The following PTPRD variants were observed in gnomAD, a reference collection of about 807,000 sequenced individuals.
PTPRD encodes the protein receptor-type tyrosine-protein phosphatase delta.
Under a neutral mutation model 214.5 loss-of-function variants are expected in PTPRD, and 34 were observed. The observed-to-expected ratio is 0.16, with a 90% CI of 0.12 to 0.21. The LOEUF (loss-of-function observed/expected upper bound fraction) is 0.21, where lower values mean the gene tolerates loss of function less well. PTPRD is among the 10% of genes least tolerant of loss of function. The pLI is 1.00. For synonymous variants in PTPRD, 1,128 were observed against 845.7 expected, an observed-to-expected ratio of 1.33 and a Z score of -5.79; for missense variants, 2,545 against 2,398.7, an observed-to-expected ratio of 1.06 and a Z score of -1.27.
At chr9:10,553,167 G>A (rs903378794) in intron 2 of PTPRD, among the ~76,000 whole-genome samples, 1 of 152,102 alleles carries the variant, frequency 6.6e-6, no homozygotes, top group African/African-American at 2.4e-5. Flanking sequence ...AGGAGAGAAT[G>A]TAGTAGGATA....
intron 33 of PTPRD, among the ~76,000 whole-genome samples, chr9:8,455,488 G>C (rs965660684): frequency 2.0e-5 from 3 of 152,112 alleles, no homozygotes; most frequent in African/African-American, 7.2e-5. Context: ...AAATTGCAAA[G>C]TTTTCAGTGA....
chr9:9,136,070 A>G (rs1032665917), intron 10 of PTPRD, among the ~76,000 whole-genome samples: 6 of 152,208 alleles, frequency 3.9e-5, no homozygotes, highest in Admixed American at 6.5e-5. Flanking sequence ...TTCTTTTGCT[A>G]ATGAAATATC....
At chr9:8,503,475 C>G (rs2097462833) in intron 23 of PTPRD, among the ~76,000 whole-genome samples, 2 of 152,066 alleles carry the variant, frequency 1.3e-5, no homozygotes, top group South Asian at 4.1e-4. Context: ...TAAACACATA[C>G]TAATAAAAAG....
intron 8 of PTPRD, among the ~76,000 whole-genome samples, chr9:9,574,283 T>C (rs915982370): frequency 2.0e-5 from 3 of 151,984 alleles, no homozygotes; most frequent in East Asian, 3.8e-4. Context: ...CTTATTTCCA[T>C]AGTTACATAC....
At chr9:9,470,686 C>T (rs1233111283) in intron 8 of PTPRD, among the ~76,000 whole-genome samples, 6 of 152,124 alleles carry the variant, frequency 3.9e-5, no homozygotes. Flanking sequence ...AATCTACATT[C>T]TCTACTACCT....
At chr9:8,796,230 T>C (rs925370284) in intron 11 of PTPRD, among the ~76,000 whole-genome samples, 20 of 152,296 alleles carry the variant, frequency 1.3e-4, no homozygotes, top group Admixed American at 7.8e-4. Context: ...CAATTCTTAA[T>C]TGCCAAGTTT....
intron 7 of PTPRD, among the ~76,000 whole-genome samples, chr9:9,662,534 C>T (rs1252696015): frequency 1.3e-5 from 2 of 151,528 alleles, no homozygotes; most frequent in African/African-American, 2.4e-5. Flanking sequence ...TATTTTATGA[C>T]ATTTGAAGCA....
chr9:8,344,357 T>C (rs10976973), intron 39 of PTPRD, among the ~76,000 whole-genome samples: 12,527 of 152,072 alleles, frequency 0.082, 544 homozygotes, highest in Middle Eastern at 0.12. Context: ...GGATGATGCA[T>C]GGTTCTATAT....
intron 7 of PTPRD, among the ~76,000 whole-genome samples, chr9:9,717,010 C>G (rs2097847289): frequency 6.6e-6 from 1 of 152,112 alleles, no homozygotes; most frequent in Non-Finnish European, 1.5e-5. Flanking sequence ...TTTAATCCAT[C>G]TTGAATTGAT....
intron 8 of PTPRD, among the ~76,000 whole-genome samples, chr9:9,470,299 C>T (rs1256502376): frequency 6.6e-6 from 1 of 152,092 alleles, no homozygotes; most frequent in South Asian, 2.1e-4. Flanking sequence ...TTTCTGAAAC[C>T]TACCATCTTC....
intron 3 of PTPRD, among the ~76,000 whole-genome samples, chr9:10,245,118 C>A (rs534194301): frequency 2.4e-4 from 37 of 152,020 alleles, no homozygotes; most frequent in Non-Finnish European, 4.6e-4. Flanking sequence ...AGACATTTTA[C>A]CCTAAACATA....
chr9:9,088,038 T>C (rs1412921156), intron 10 of PTPRD, among the ~76,000 whole-genome samples: 5 of 151,430 alleles, frequency 3.3e-5, no homozygotes, highest in Admixed American at 2.6e-4. Context: ...TGCACCACCA[T>C]GCCTGGCTGA....
intron 3 of PTPRD, among the ~76,000 whole-genome samples, chr9:10,101,381 C>A (rs529136041): frequency 6.6e-6 from 1 of 151,698 alleles, no homozygotes; most frequent in Non-Finnish European, 1.5e-5. Flanking sequence ...AGTCCTTTCA[C>A]TGCTAATATA....
chr9:9,677,732 G>T (rs937188338), intron 7 of PTPRD, among the ~76,000 whole-genome samples: 1 of 151,998 alleles, frequency 6.6e-6, no homozygotes, highest in Non-Finnish European at 1.5e-5. Context: ...TATCAGGCAG[G>T]AGAAGGAAAT....
chr9:9,817,608 C>G (rs900966437), intron 5 of PTPRD, among the ~76,000 whole-genome samples: 3 of 152,238 alleles, frequency 2.0e-5, no homozygotes, highest in African/African-American at 7.2e-5. Context: ...ATACTGATGA[C>G]AGTTAATTTT....
At chr9:9,165,134 A>G (rs953316734) in intron 10 of PTPRD, among the ~76,000 whole-genome samples, 26 of 152,058 alleles carry the variant, frequency 1.7e-4, no homozygotes, top group African/African-American at 6.3e-4. Context: ...ATTGAACTTC[A>G]TCTACCTGAA....
chr9:9,743,731 TACACAC>T (rs4008087), intron 6 of PTPRD, among the ~76,000 whole-genome samples: 11 of 80,464 alleles, frequency 1.4e-4, no homozygotes, highest in East Asian at 4.6e-4. Flanking sequence ...ACTCAGTCTA[TACACAC>T]ACACACACAC....
At position 8,800,242 on chromosome 9, in the gene PTPRD, A is replaced by C. The variant is rs892630015; in HGVS notation, c.-103-66296T>G. Among the ~76,000 whole-genome samples the C allele has an allele frequency of 1.3e-5, 2 of 152,044 alleles. 1 individual carries two copies. The highest frequency in any genetic ancestry group is 4.1e-4 in the South Asian group (2 of 4,824). ...TTTTTTGGCTTTTTTTAAGGCATGTATATTTAAAAAACACGTGATTCTATT... is the reference window on the plus strand; with the variant it reads ...TTTTTTGGCTTTTTTTAAGGCATGTCTATTTAAAAAACACGTGATTCTATT... On this transcript the variant is annotated intron_variant, in intron 11 of 45. Coordinates refer to ENST00000381196, the MANE Select transcript of PTPRD (RefSeq NM_002839.4).
At chr9:9,935,127 G>A (rs2088667981) in intron 5 of PTPRD, among the ~76,000 whole-genome samples, 1 of 152,044 alleles carries the variant, frequency 6.6e-6, no homozygotes, top group Non-Finnish European at 1.5e-5. Context: ...CATACTGAAT[G>A]GGCAAAAACT....
Sources: gnomAD v4.1 joint callset for allele counts (sites outside exome capture counted in the v4.1 genomes callset) on GRCh38, gnomAD v4.1.1 for gene constraint, MANE v1.5 for transcripts, NCBI Gene and HGNC (gene_info 2026-07-23, HGNC 2026-07-21) for gene names.